The following CSMD1 variants were observed in gnomAD, a reference collection of about 807,000 sequenced individuals.
CSMD1 encodes CUB and Sushi multiple domains 1, also known as CUB and sushi domain-containing protein 1.
CSMD1 carries 213 observed loss-of-function variants against 417.5 expected under a neutral mutation model. The observed-to-expected ratio is 0.51, with a 90% CI of 0.46 to 0.57. The LOEUF is 0.57. Among genes scored for constraint, CSMD1 ranks in the 20% least tolerant of loss-of-function variants. CSMD1 has a pLI of 0.00. For missense variants in CSMD1, 6,923 were observed against 4,529.7 expected (o/e 1.53, Z -15.17); for synonymous variants, 2,862 against 1,736.8 (o/e 1.65, Z -16.11).
intron 3 of CSMD1, among the ~76,000 whole-genome samples, chr8:4,139,312 T>C (rs1012035283): frequency 1.1e-4 from 16 of 152,170 alleles, no homozygotes; most frequent in African/African-American, 3.9e-4. Context: ...GTCGTTATAC[T>C]TATACGAAAA....
chr8:4,915,082 G>A (rs938512159), intron 1 of CSMD1, among the ~76,000 whole-genome samples: 1 of 152,180 alleles, frequency 6.6e-6, no homozygotes, highest in Non-Finnish European at 1.5e-5. Context: ...CGGTTTCTCA[G>A]ATGTAATATG....
chr8:3,157,998 TA>T (rs1819641501), intron 38 of CSMD1, 32 bp from the exon 39 acceptor site: 2 of 1,493,374 alleles, frequency 1.3e-6, no homozygotes, highest in East Asian at 2.5e-5. Context: ...AAAATACATA[TA>T]ACTAAAAACA....
intron 5 of CSMD1, among the ~76,000 whole-genome samples, chr8:3,908,758 A>C (rs1161055941): frequency 6.6e-6 from 1 of 152,216 alleles, no homozygotes; most frequent in Non-Finnish European, 1.5e-5. Context: ...CAAAGGCACC[A>C]AACTGGCTTA....
At position 4,047,092 on chromosome 8, in the gene CSMD1, T is replaced by C. The variant is rs560139068; in HGVS notation, c.416-14993A>G. Among the ~76,000 whole-genome samples, 60 of 152,262 alleles carry C rather than the reference T, an allele frequency of 3.9e-4. 1 individual carries two copies. In the South Asian group the frequency reaches 4.4e-3, roughly 11 times the overall value. On this transcript the variant is annotated intron_variant, in intron 3 of 69. Coordinates refer to ENST00000635120, the MANE Select transcript of CSMD1 (RefSeq NM_033225.6). Reference sequence around the variant, plus strand: ...ATGTGGTCTTTAAAAATGGTCTCTATGGCATTGAAGCTGTGGCTTCAATGG... The same window carrying C: ...ATGTGGTCTTTAAAAATGGTCTCTACGGCATTGAAGCTGTGGCTTCAATGG...
intron 1 of CSMD1, among the ~76,000 whole-genome samples, chr8:4,747,780 G>T (rs1321995965): frequency 6.6e-6 from 1 of 152,134 alleles, no homozygotes; most frequent in Non-Finnish European, 1.5e-5. Flanking sequence ...GCCTGGGATA[G>T]AGGCTAAAAA....
intron 1 of CSMD1, among the ~76,000 whole-genome samples, chr8:4,843,335 A>C (rs1242842469): frequency 1.3e-5 from 2 of 152,190 alleles, no homozygotes; most frequent in Non-Finnish European, 2.9e-5. Flanking sequence ...TGAGGCTCAA[A>C]ACTTAGTATC....
chr8:3,251,593 C>A (rs1463317671), intron 26 of CSMD1, among the ~76,000 whole-genome samples: 2 of 152,092 alleles, frequency 1.3e-5, no homozygotes, highest in East Asian at 3.9e-4. Flanking sequence ...TTTTCCAATT[C>A]TGTGAAGAAA....
rs141008751 is a variant in CSMD1, at chr8:3,594,916, A to C, written c.1098-8656T>G. ...TTTGGAACTAATGTGAGCAAAAACC[A>C]GGAGGCAGAAGCAGGAATTCAGAAC... On this transcript the variant is annotated intron_variant, in intron 8 of 69. Coordinates refer to ENST00000635120, the MANE Select transcript of CSMD1 (RefSeq NM_033225.6). Among the ~76,000 whole-genome samples the C allele has an allele frequency of 3.9e-4, 59 of 152,298 alleles. No individual in the cohort carries two copies. The South Asian group carries it at 0.012, about 30-fold the overall frequency.
intron 10 of CSMD1, among the ~76,000 whole-genome samples, chr8:3,520,444 A>T (rs1319614236): frequency 6.6e-6 from 1 of 152,246 alleles, no homozygotes; most frequent in African/African-American, 2.4e-5. Flanking sequence ...AAAATAAAAC[A>T]ATCTTAAAAT....
At chr8:4,781,176 G>A (rs1797133886) in intron 1 of CSMD1, among the ~76,000 whole-genome samples, 1 of 152,130 alleles carries the variant, frequency 6.6e-6, no homozygotes, top group African/African-American at 2.4e-5. Flanking sequence ...GCCCAACCTA[G>A]CAAATACATC....
chr8:4,153,491 G>A (rs1007271592), intron 3 of CSMD1, among the ~76,000 whole-genome samples: 4 of 152,196 alleles, frequency 2.6e-5, no homozygotes, highest in African/African-American at 9.7e-5. Flanking sequence ...CAGTCTTTCT[G>A]ACATTTCTGC....
In CSMD1 at chr8:3,178,987, A is replaced by T. The variant is rs563261904; in HGVS notation, c.5725+2123T>A. Among the ~76,000 whole-genome samples, 445 of 145,094 alleles carry T rather than the reference A, an allele frequency of 3.1e-3. 4 individuals are homozygous for T. Among genetic ancestry groups the T allele is most frequent in the African/African-American group, 0.011 (421 of 38,922 alleles). On this transcript the variant is annotated intron_variant, in intron 37 of 69. Transcript: ENST00000635120. ...TTTTGAGACGGAGTCTCACTCTGTC[A>T]CCCAGGCTGGAGTGCAGTGGCGCGA...
rs566931398 is a variant in CSMD1 at position 4,097,047 on chromosome 8, G to A, written c.416-64948C>T. Among the ~76,000 whole-genome samples, 16 of 152,222 alleles carry A rather than the reference G, an allele frequency of 1.1e-4. 1 individual carries two copies. The highest frequency in any genetic ancestry group is 2.6e-4 in the Admixed American group (4 of 15,292). ...CCCCATCTTTTTTTAATTAACTGAT[G>A]CCTCATTCATAAATGTTTACTCTTT... On this transcript the variant is annotated intron_variant, in intron 3 of 69. Transcript: ENST00000635120.
chr8:4,076,158 G>A (rs1799811849), intron 3 of CSMD1, among the ~76,000 whole-genome samples: 2 of 152,168 alleles, frequency 1.3e-5, no homozygotes, highest in South Asian at 4.1e-4. Context: ...GCGTGTGGTT[G>A]CTCCATGGTG....
chr8:3,692,740 T>A (rs190151298), intron 7 of CSMD1, among the ~76,000 whole-genome samples: 1 of 152,192 alleles, frequency 6.6e-6, no homozygotes, highest in Non-Finnish European at 1.5e-5. Context: ...GCCACAACAA[T>A]TTCTGAGAAT....
intron 5 of CSMD1, among the ~76,000 whole-genome samples, chr8:3,979,759 A>G (rs1813714087): frequency 1.3e-5 from 2 of 152,236 alleles, no homozygotes; most frequent in South Asian, 4.1e-4. Context: ...GAACTGTGAG[A>G]AATAAGTGTG....
At chr8:3,521,357 C>T (rs1797500986) in intron 10 of CSMD1, among the ~76,000 whole-genome samples, 2 of 152,148 alleles carry the variant, frequency 1.3e-5, no homozygotes, top group African/African-American at 4.8e-5. Flanking sequence ...GTTGGCCCTT[C>T]TCCCATGATG....
At chr8:3,789,870 T>G (rs1301802660) in intron 5 of CSMD1, among the ~76,000 whole-genome samples, 1 of 151,986 alleles carries the variant, frequency 6.6e-6, no homozygotes, top group Non-Finnish European at 1.5e-5. Flanking sequence ...TAGCTGGGAC[T>G]ACAGCTGCCC....
chr8:4,462,380 G>T (rs778913304), intron 2 of CSMD1, among the ~76,000 whole-genome samples: 1 of 152,078 alleles, frequency 6.6e-6, no homozygotes, highest in Non-Finnish European at 1.5e-5. Context: ...TCATGTACAT[G>T]AATCAGAAGA....
Sources: allele counts gnomAD v4.1 joint callset (sites outside exome capture counted in the v4.1 genomes callset), GRCh38; gene constraint gnomAD v4.1.1; transcripts MANE v1.5; gene names NCBI Gene and HGNC (gene_info 2026-07-23, HGNC 2026-07-21).